Variants in NOS1AP observed in about 807,000 individuals in gnomAD.
NOS1AP encodes the protein nitric oxide synthase 1 adaptor protein.
Under a neutral mutation model 56.2 loss-of-function variants are expected in NOS1AP, and 21 were observed. That is an observed-to-expected ratio of 0.37 (90% confidence interval 0.26 to 0.54). The LOEUF is 0.54. NOS1AP is among the 20% of genes least tolerant of loss of function. NOS1AP has a pLI of 0.84. For missense variants in NOS1AP, 522 were observed against 657.8 expected, an observed-to-expected ratio of 0.79 and a Z score of 2.26; for synonymous variants, 270 against 274.6, an observed-to-expected ratio of 0.98 and a Z score of 0.17.
chr1:162,310,356 C>T (rs748770212), intron 4 of NOS1AP, among the ~76,000 whole-genome samples: 3 of 152,242 alleles, frequency 2.0e-5, no homozygotes, highest in Non-Finnish European at 4.4e-5. Flanking sequence ...CTTCCTTCAG[C>T]CTCGCATTGC....
chr1:162,339,907 C>G (rs1369289012), intron 5 of NOS1AP, among the ~76,000 whole-genome samples: 1 of 152,182 alleles, frequency 6.6e-6, no homozygotes, highest in Admixed American at 6.5e-5. Context: ...CTAACGAGGT[C>G]CCCATATAGA....
rs1647261599 is a variant in NOS1AP at position 162,368,771 on chromosome 1, T to C, written c.*1304T>C. The C allele has an allele frequency of 6.6e-6, 1 of 152,244 alleles. No homozygotes were observed. The allele number at this position is 152,244 out of a possible 1,614,324, so 9.4% of individuals were successfully genotyped here. A position where few individuals can be genotyped will look rare whatever the true frequency, so the allele number is the denominator to read the frequency against. On this transcript the variant is annotated 3_prime_UTR_variant, in exon 10 of 10. Transcript: ENST00000361897. ...ATTTTCAAATGCCTGAAGAGATTGC[T>C]GAGACCTGCTAGAGTCATATGTTCG...
intron 3 of NOS1AP, among the ~76,000 whole-genome samples, chr1:162,289,734 C>T (rs542110265): frequency 1.6e-4 from 24 of 152,248 alleles, no homozygotes; most frequent in African/African-American, 5.8e-4. Context: ...CTCAGCCTCC[C>T]AAAGTGCTAG....
At chr1:162,098,752 G>A (rs953611471) in intron 1 of NOS1AP, among the ~76,000 whole-genome samples, 3 of 152,128 alleles carry the variant, frequency 2.0e-5, no homozygotes, top group Non-Finnish European at 4.4e-5. Context: ...TTATAAGTGC[G>A]AATATGTGGT....
chr1:162,232,464 A>C (rs1653153082), intron 2 of NOS1AP, among the ~76,000 whole-genome samples: 1 of 152,076 alleles, frequency 6.6e-6, no homozygotes, highest in East Asian at 1.9e-4. Flanking sequence ...CTGCTCTGTC[A>C]TACAAAGTGG....
chr1:162,250,200 AG>A (rs1557848672), intron 2 of NOS1AP, among the ~76,000 whole-genome samples: 1 of 152,132 alleles, frequency 6.6e-6, no homozygotes, highest in African/African-American at 2.4e-5. Flanking sequence ...CATTTTCCCG[AG>A]GGGACAGTTC....
In NOS1AP at chr1:162,343,828, T is replaced by G. The variant is rs369743235; in HGVS notation, c.454-7T>G. 1 of 1,614,048 alleles carries G rather than the reference T, an allele frequency of 6.2e-7. No individual in the cohort carries two copies. Among genetic ancestry groups the G allele is most frequent in the Non-Finnish European group, 8.5e-7 (1 of 1,180,018 alleles). The stretch of plus-strand genomic sequence containing the variant: ...CCCATCCTGTTCTTCTCCTTTCTCC[T>G]TCCCAGAGCCAAGCTATGAGAATCG... On this transcript the variant is annotated splice_region_variant and splice_polypyrimidine_tract_variant and intron_variant, in intron 5 of 9. Transcript: ENST00000361897.
chr1:162,082,830 A>G (rs887351055), intron 1 of NOS1AP, among the ~76,000 whole-genome samples: 18 of 152,034 alleles, frequency 1.2e-4, no homozygotes, highest in African/African-American at 4.1e-4. Context: ...TGCCTTTTGG[A>G]TTGGAAATCT....
chr1:162,092,205 T>G (rs1692151179), intron 1 of NOS1AP, among the ~76,000 whole-genome samples: 2 of 152,200 alleles, frequency 1.3e-5, no homozygotes, highest in Non-Finnish European at 2.9e-5. Context: ...AGAGGACTTT[T>G]ATAGAGTAAA....
At chr1:162,203,207 T>G (rs1275074702) in intron 2 of NOS1AP, among the ~76,000 whole-genome samples, 3 of 152,176 alleles carry the variant, frequency 2.0e-5, no homozygotes, top group African/African-American at 7.2e-5. Context: ...GGAGGTAGAT[T>G]ATAAATAAAG....
At chr1:162,174,368 A>G (rs1427007580) in intron 2 of NOS1AP, among the ~76,000 whole-genome samples, 1 of 141,576 alleles carries the variant, frequency 7.1e-6, no homozygotes, top group Admixed American at 7.4e-5. Flanking sequence ...ATGAGAACAC[A>G]TGGACACAGG....
At chr1:162,320,060 A>G (rs980042937) in intron 4 of NOS1AP, among the ~76,000 whole-genome samples, 8 of 151,874 alleles carry the variant, frequency 5.3e-5, no homozygotes, top group South Asian at 2.1e-4. Flanking sequence ...CACTTGCCAC[A>G]CCCTGTCTGT....
chr1:162,298,560 C>T (rs1237946019), intron 3 of NOS1AP, among the ~76,000 whole-genome samples: 2 of 152,220 alleles, frequency 1.3e-5, no homozygotes, highest in Non-Finnish European at 1.5e-5. Flanking sequence ...ACTCCTTCCC[C>T]TATTTAGTGT....
chr1:162,289,362 A>T (rs921861239), intron 3 of NOS1AP, among the ~76,000 whole-genome samples: 1 of 147,912 alleles, frequency 6.8e-6, no homozygotes, highest in Non-Finnish European at 1.5e-5. Context: ...AAGTGATGCA[A>T]TCTTGGCTCA....
At chr1:162,264,303 T>C (rs1482116257) in intron 2 of NOS1AP, among the ~76,000 whole-genome samples, 1 of 152,088 alleles carries the variant, frequency 6.6e-6, no homozygotes, top group Non-Finnish European at 1.5e-5. Context: ...GTCATGCTGA[T>C]TTTCAGTTCC....
chr1:162,195,664 C>A (rs1571117760), intron 2 of NOS1AP, among the ~76,000 whole-genome samples: 1 of 152,228 alleles, frequency 6.6e-6, no homozygotes, highest in African/African-American at 2.4e-5. Context: ...TTCATTCATG[C>A]CTGTCCTCTT....
chr1:162,073,066 C>G (rs760169309), intron 1 of NOS1AP, among the ~76,000 whole-genome samples: 1 of 152,154 alleles, frequency 6.6e-6, no homozygotes, highest in East Asian at 1.9e-4. Context: ...GGGTTAGGAT[C>G]GAAGGGCATC....
chr1:162,323,918 A>G (rs1388345382), intron 4 of NOS1AP, among the ~76,000 whole-genome samples: 1 of 152,200 alleles, frequency 6.6e-6, no homozygotes, highest in Admixed American at 6.5e-5. Context: ...ACCTTTGTTG[A>G]TGATTATTTT....
At chr1:162,079,620 T>A (rs1287444307) in intron 1 of NOS1AP, among the ~76,000 whole-genome samples, 2 of 152,200 alleles carry the variant, frequency 1.3e-5, no homozygotes, top group Non-Finnish European at 2.9e-5. Flanking sequence ...ATCTCATACT[T>A]CGTAGGGTTA....
Sources: allele counts gnomAD v4.1 joint callset (sites outside exome capture counted in the v4.1 genomes callset), GRCh38; gene constraint gnomAD v4.1.1; transcripts MANE v1.5; gene names NCBI Gene and HGNC (gene_info 2026-07-23, HGNC 2026-07-21).